NELL2: variants seen among roughly 807,000 people sequenced by gnomAD.
The protein encoded by NELL2 is protein kinase C-binding protein NELL2.
In NELL2, 41 loss-of-function variants were observed where a neutral mutation model predicts 109.6. The ratio of observed to expected loss-of-function variants is 0.37; its 90% CI spans 0.29 to 0.49. NELL2 has a LOEUF of 0.49. NELL2 is among the 20% of genes least tolerant of loss of function. The probability of loss-of-function intolerance (pLI) is 0.98; values close to 1 mark genes in which losing one functional copy is unlikely to be tolerated. For synonymous variants in NELL2, 355 were observed against 344.7 expected (o/e 1.03, Z -0.33); for missense variants, 900 against 1,008.3 (o/e 0.89, Z 1.45).
chr12:44,842,896 A>G (rs1277347007), intron 2 of NELL2, among the ~76,000 whole-genome samples: 3 of 152,150 alleles, frequency 2.0e-5, no homozygotes, highest in Non-Finnish European at 2.9e-5. Context: ...TAAACCAAGG[A>G]GTGCCAAGAA....
chr12:44,815,948 A>G (rs562736966), intron 3 of NELL2, 38 bp downstream of exon 3: 2 of 1,584,430 alleles, frequency 1.3e-6, no homozygotes, highest in African/African-American at 2.7e-5. Flanking sequence ...TTAACCACAT[A>G]TAATGAAAAC....
intron 2 of NELL2, among the ~76,000 whole-genome samples, chr12:44,865,988 G>C (rs970038329): frequency 3.9e-5 from 6 of 152,076 alleles, no homozygotes; most frequent in Non-Finnish European, 8.8e-5. Flanking sequence ...GGGCCTTTTG[G>C]AAAGTCATGA....
At position 44,540,781 on chromosome 12, in the gene NELL2, C is replaced by CAAAAAAAA. The variant is rs57205620; in HGVS notation, c.1664-8068_1664-8061dup. ...AGCTTACTAATGTAAGTCTGCAAGC[C>CAAAAAAAA]AAAAAAAAAAAAAAAAAGCCCATCC... On this transcript the variant is annotated intron_variant, in intron 15 of 19. Transcript: ENST00000429094. 3.4e-4 allele frequency among the ~76,000 whole-genome samples: 17 copies of CAAAAAAAA among 49,724 alleles called. 3 individuals are homozygous for CAAAAAAAA. The highest frequency in any genetic ancestry group is 9.7e-4 in the Admixed American group (3 of 3,086). The allele number at this position is 49,724 out of a possible 152,430, so 32.6% of individuals were successfully genotyped here.
chr12:44,546,265 G>A (rs1251096632), intron 15 of NELL2, among the ~76,000 whole-genome samples: 1 of 152,138 alleles, frequency 6.6e-6, no homozygotes, highest in Non-Finnish European at 1.5e-5. Flanking sequence ...ATCTGAATGA[G>A]AAGTTGTCAG....
At chr12:44,567,222 A>T (rs1179679414) in intron 15 of NELL2, among the ~76,000 whole-genome samples, 1 of 152,236 alleles carries the variant, frequency 6.6e-6, no homozygotes, top group East Asian at 1.9e-4. Context: ...TAGTTTTAAA[A>T]TGTAACTCCA....
At chr12:44,658,877 C>CA (rs58696965) in intron 13 of NELL2, among the ~76,000 whole-genome samples, 2,019 of 68,922 alleles carry the variant, frequency 0.029, 35 homozygotes, top group Non-Finnish European at 0.041. Flanking sequence ...ACTCTGTCTC[C>CA]AAAAAAAAAA....
chr12:44,623,850 G>A (rs751224705), intron 13 of NELL2, among the ~76,000 whole-genome samples: 24 of 152,096 alleles, frequency 1.6e-4, no homozygotes, highest in Admixed American at 4.6e-4. Flanking sequence ...ACTGGATGAA[G>A]CTGGAAACCA....
At chr12:44,535,313 T>C (rs1942248303) in intron 15 of NELL2, among the ~76,000 whole-genome samples, 1 of 151,996 alleles carries the variant, frequency 6.6e-6, no homozygotes, top group South Asian at 2.1e-4. Flanking sequence ...TATTTAATAC[T>C]CTGAGCAACC....
At chr12:44,563,186 G>A (rs2136185057) in intron 15 of NELL2, among the ~76,000 whole-genome samples, 1 of 152,162 alleles carries the variant, frequency 6.6e-6, no homozygotes, top group East Asian at 1.9e-4. Flanking sequence ...ACAGGGGAGG[G>A]ATAGCATTAG....
chr12:44,601,916 G>A (rs1166775551), intron 15 of NELL2, among the ~76,000 whole-genome samples: 2 of 152,110 alleles, frequency 1.3e-5, no homozygotes, highest in African/African-American at 4.8e-5. Context: ...CAACTTTTGT[G>A]TTCTTGACCA....
chr12:44,674,548 T>G (rs559154557), intron 12 of NELL2, among the ~76,000 whole-genome samples: 6 of 152,288 alleles, frequency 3.9e-5, no homozygotes, highest in Non-Finnish European at 8.8e-5. Context: ...TTAGCATTTG[T>G]GCAGGAAAAT....
intron 3 of NELL2, among the ~76,000 whole-genome samples, chr12:44,798,383 A>G (rs1422576167): frequency 1.3e-5 from 2 of 152,090 alleles, no homozygotes; most frequent in African/African-American, 4.8e-5. Context: ...TAAAATATCA[A>G]TGTGCAAGAT....
chr12:44,766,448 A>G (rs1941338845), intron 9 of NELL2, among the ~76,000 whole-genome samples: 1 of 152,194 alleles, frequency 6.6e-6, no homozygotes, highest in South Asian at 2.1e-4. Flanking sequence ...TGCCAAAATC[A>G]ACTTCTAAGA....
intron 3 of NELL2, among the ~76,000 whole-genome samples, chr12:44,791,097 G>GTACA (rs1555217710): frequency 2.6e-5 from 1 of 38,500 alleles, no homozygotes; most frequent in Non-Finnish European, 4.7e-5. Flanking sequence ...ATATATATAT[G>GTACA]TATATATATA....
intron 15 of NELL2, among the ~76,000 whole-genome samples, chr12:44,584,986 C>G (rs1944443515): frequency 6.6e-6 from 1 of 152,132 alleles, no homozygotes; most frequent in Admixed American, 6.5e-5. Flanking sequence ...GCTTGATAGG[C>G]CTTTGTGACT....
chr12:44,736,294 C>A (rs554658994), intron 9 of NELL2, among the ~76,000 whole-genome samples: 1 of 151,958 alleles, frequency 6.6e-6, no homozygotes, highest in Admixed American at 6.6e-5. Context: ...CAGGCGTGAG[C>A]CACCGCGCCC....
chr12:44,630,677 C>A (rs774173723), intron 13 of NELL2, among the ~76,000 whole-genome samples: 1 of 151,888 alleles, frequency 6.6e-6, no homozygotes, highest in African/African-American at 2.4e-5. Flanking sequence ...CCCCACTTTA[C>A]GAAGAATGAG....
intron 13 of NELL2, among the ~76,000 whole-genome samples, chr12:44,642,773 T>C (rs1466376283): frequency 1.3e-5 from 2 of 152,048 alleles, no homozygotes; most frequent in Admixed American, 6.5e-5. Context: ...TCCCAGCTAC[T>C]TGGGAGGCTG....
chr12:44,726,186 A>C (rs1320121479), intron 9 of NELL2, among the ~76,000 whole-genome samples: 1 of 152,194 alleles, frequency 6.6e-6, no homozygotes, highest in Non-Finnish European at 1.5e-5. Context: ...GAAAGTTAAA[A>C]TAAAATTTCC....
Sources: allele counts gnomAD v4.1 joint callset (sites outside exome capture counted in the v4.1 genomes callset), GRCh38; gene constraint gnomAD v4.1.1; transcripts MANE v1.5; gene names NCBI Gene and HGNC (gene_info 2026-07-23, HGNC 2026-07-21).